The following AP2B1 variants were observed in gnomAD, a reference collection of about 807,000 sequenced individuals.
The protein encoded by AP2B1 is AP-2 complex subunit beta.
A neutral mutation model predicts 102.0 loss-of-function variants in AP2B1; 23 were observed. The ratio of observed to expected loss-of-function variants is 0.23; its 90% confidence interval spans 0.16 to 0.32. The LOEUF is 0.32. Among genes scored for constraint, AP2B1 ranks in the 10% least tolerant of loss-of-function variants. The pLI is 1.00. For missense variants in AP2B1, 541 were observed against 1,157.4 expected (o/e 0.47, Z 7.73); for synonymous variants, 381 against 421.2 (o/e 0.90, Z 1.17).
intron 5 of AP2B1, among the ~76,000 whole-genome samples, chr17:35,614,715 G>A (rs1409724088): frequency 1.6e-4 from 23 of 147,978 alleles, no homozygotes; most frequent in African/African-American, 5.5e-4. Flanking sequence ...TGCATAAGCA[G>A]CATGCTCTCA....
At chr17:35,597,067 G>T in intron 2 of AP2B1, 2 of 566,614 alleles carry the variant, frequency 3.5e-6, no homozygotes, top group Non-Finnish European at 6.5e-6. Context: ...GGGGGCGAAG[G>T]ACCCCTGGGC....
At chr17:35,599,297 T>A (rs951197530) in intron 3 of AP2B1, among the ~76,000 whole-genome samples, 4 of 152,238 alleles carry the variant, frequency 2.6e-5, no homozygotes, top group Non-Finnish European at 5.9e-5. Context: ...ACTTTGGTAT[T>A]TGGGAGATAT....
At chr17:35,719,843 T>A (rs1467881219) in intron 21 of AP2B1, among the ~76,000 whole-genome samples, 4 of 152,102 alleles carry the variant, frequency 2.6e-5, no homozygotes, top group South Asian at 4.2e-4. Flanking sequence ...TAAAACATAT[T>A]TTTTTTAAAG....
At chr17:35,716,748 A>G (rs981214168) in intron 20 of AP2B1, among the ~76,000 whole-genome samples, 5 of 152,200 alleles carry the variant, frequency 3.3e-5, no homozygotes, top group Admixed American at 6.5e-5. Context: ...AAGTAGCACT[A>G]TGGATGTGGT....
intron 5 of AP2B1, among the ~76,000 whole-genome samples, chr17:35,622,989 A>G (rs947054559): frequency 6.6e-6 from 1 of 152,080 alleles, no homozygotes; most frequent in Non-Finnish European, 1.5e-5. Context: ...GAGTATTTAT[A>G]TTCAGCCTCA....
rs771145530 is a variant in AP2B1, at chr17:35,674,324, A to T, written c.2324+3A>T. On this transcript the variant is annotated splice_donor_region_variant and intron_variant, in intron 17 of 21. Coordinates refer to ENST00000610402, the MANE Select transcript of AP2B1 (RefSeq NM_001030006.2). ...GCAATCCAGTTTAACAAAAATAGGTAAGCAATCTGGGTCCCTAGCTTGATG... is the reference window on the plus strand; with the variant it reads ...GCAATCCAGTTTAACAAAAATAGGTTAGCAATCTGGGTCCCTAGCTTGATG... The T allele has an allele frequency of 6.2e-7, 1 of 1,613,998 alleles. No individual in the cohort carries two copies. Among genetic ancestry groups the T allele is most frequent in the Non-Finnish European group, 8.5e-7 (1 of 1,179,940 alleles).
At chr17:35,687,059 T>C (rs2142996008) in intron 18 of AP2B1, among the ~76,000 whole-genome samples, 1 of 152,326 alleles carries the variant, frequency 6.6e-6, no homozygotes, top group South Asian at 2.1e-4. Context: ...AAAGCCAATT[T>C]CGTTCACCTC....
chr17:35,617,124 C>G (rs1015139438), intron 5 of AP2B1, among the ~76,000 whole-genome samples: 1 of 152,140 alleles, frequency 6.6e-6, no homozygotes, highest in Non-Finnish European at 1.5e-5. Flanking sequence ...GGCACAATCT[C>G]GGCTTACTGC....
intron 18 of AP2B1, among the ~76,000 whole-genome samples, chr17:35,684,042 A>G (rs936382182): frequency 6.6e-6 from 1 of 152,340 alleles, no homozygotes; most frequent in East Asian, 1.9e-4. Context: ...ATAAATTAAT[A>G]TAAAATTGGC....
intron 5 of AP2B1, among the ~76,000 whole-genome samples, chr17:35,623,246 A>G (rs2074231891): frequency 1.3e-5 from 2 of 152,148 alleles, no homozygotes; most frequent in African/African-American, 4.8e-5. Flanking sequence ...GAGTCAGGAT[A>G]CAAGTGTACT....
intron 13 of AP2B1, among the ~76,000 whole-genome samples, chr17:35,652,248 C>G (rs958573468): frequency 2.0e-5 from 3 of 152,048 alleles, no homozygotes; most frequent in Non-Finnish European, 4.4e-5. Context: ...AATGCAAGTA[C>G]AGGGAAAATC....
At chr17:35,664,388 G>T (rs1203727524) in intron 14 of AP2B1, among the ~76,000 whole-genome samples, 1 of 152,034 alleles carries the variant, frequency 6.6e-6, no homozygotes, top group Non-Finnish European at 1.5e-5. Context: ...CAAGTAGCTG[G>T]GACTACAGGC....
chr17:35,605,241 TTTTTTTTTTTCC>T (rs987949297), intron 3 of AP2B1, among the ~76,000 whole-genome samples: 7 of 18,550 alleles, frequency 3.8e-4, no homozygotes, highest in East Asian at 2.4e-3. Context: ...TTTTCTTTTC[TTTTTTTTTTTCC>T]TTTTTTTTTT....
intron 14 of AP2B1, among the ~76,000 whole-genome samples, chr17:35,663,825 C>T (rs1326818842): frequency 6.6e-6 from 1 of 152,186 alleles, no homozygotes. Context: ...TAATGTGTCA[C>T]ATGAAAGTTG....
chr17:35,675,962 G>C (rs2075692484), intron 17 of AP2B1, among the ~76,000 whole-genome samples: 1 of 152,088 alleles, frequency 6.6e-6, no homozygotes, highest in African/African-American at 2.4e-5. Flanking sequence ...CATTGCAATT[G>C]GATGATAAGT....
In AP2B1 at chr17:35,608,297, G is replaced by C. The variant is rs766300801; in HGVS notation, c.435G>C (p.Val145=). The part of the protein sequence containing the change: ...PYVRKTAAVC[V]AKLHDINAQM... ...TTCGGAAAACAGCAGCAGTCTGCGTGGCAAAACTCCATGATATCAATGCCC... is the reference window on the plus strand; with the variant it reads ...TTCGGAAAACAGCAGCAGTCTGCGTCGCAAAACTCCATGATATCAATGCCC... Residue 145 remains valine (V), a synonymous_variant, in exon 5 of 22, where the codon GTG becomes GTC. Transcript: ENST00000610402. The C allele has an allele frequency of 3.1e-6, 5 of 1,614,048 alleles. No individual in the cohort carries two copies. The African/African-American group carries it at 6.7e-5, about 22-fold the overall frequency.
intron 17 of AP2B1, among the ~76,000 whole-genome samples, chr17:35,677,289 C>A (rs1435864505): frequency 6.6e-6 from 1 of 152,150 alleles, no homozygotes; most frequent in Non-Finnish European, 1.5e-5. Flanking sequence ...TGCACCCAGT[C>A]GAAAGTTTTC....
rs534346420 is a variant in AP2B1, at chr17:35,626,681, G to A, written c.777G>A (p.Ala259=). ...CCAACTCAGCAGTGGTGCTTTCAGCGGTAAAAGTCCTAATGAAGTTTCTAG... is the reference window on the plus strand; with the variant it reads ...CCAACTCAGCAGTGGTGCTTTCAGCAGTAAAAGTCCTAATGAAGTTTCTAG... The part of the protein sequence containing the change: ...SHANSAVVLS[A]VKVLMKFLEL... The change falls in exon 7 of 22, where the codon GCG becomes GCA. Residue 259 remains alanine, a synonymous_variant. Coordinates refer to ENST00000610402, the MANE Select transcript of AP2B1 (RefSeq NM_001030006.2). 36 of 1,613,500 alleles carry A rather than the reference G, an allele frequency of 2.2e-5. No homozygotes were observed. The South Asian group carries it at 3.0e-4, about 13-fold the overall frequency.
At chr17:35,713,513 C>G (rs587715748) in intron 20 of AP2B1, among the ~76,000 whole-genome samples, 1 of 152,280 alleles carries the variant, frequency 6.6e-6, no homozygotes, top group East Asian at 1.9e-4. Flanking sequence ...GCTTTAGTGC[C>G]TTCTGATTCA....
Sources: allele counts gnomAD v4.1 joint callset (sites outside exome capture counted in the v4.1 genomes callset), GRCh38; gene constraint gnomAD v4.1.1; transcripts MANE v1.5; gene names NCBI Gene and HGNC (gene_info 2026-07-23, HGNC 2026-07-21).